Variants in TTC39B observed in about 807,000 individuals in gnomAD.
TTC39B encodes the protein tetratricopeptide repeat domain 39B.
TTC39B carries 92 observed loss-of-function variants against 96.6 expected under a neutral mutation model. That is an observed-to-expected ratio of 0.95 (90% CI 0.80 to 1.13). The LOEUF (loss-of-function observed/expected upper bound fraction) is 1.13. TTC39B is among the 50% of genes most tolerant of loss of function. The pLI is 0.00. For synonymous variants in TTC39B, 367 were observed against 299.4 expected (o/e 1.23, Z -2.33); for missense variants, 955 against 809.3 (o/e 1.18, Z -2.18).
chr9:15,292,429 G>T (rs185869906), intron 1 of TTC39B, among the ~76,000 whole-genome samples: 2 of 152,124 alleles, frequency 1.3e-5, no homozygotes, highest in Non-Finnish European at 2.9e-5. Flanking sequence ...ATACAATTAT[G>T]TATAGTACAG....
chr9:15,294,561 G>C (rs1445553123), intron 1 of TTC39B, among the ~76,000 whole-genome samples: 3 of 152,172 alleles, frequency 2.0e-5, no homozygotes, highest in Non-Finnish European at 2.9e-5. Flanking sequence ...GTTTTAGATA[G>C]AGCTGGAACA....
At chr9:15,223,694 A>G (rs1230582186) in intron 3 of TTC39B, among the ~76,000 whole-genome samples, 1 of 152,252 alleles carries the variant, frequency 6.6e-6, no homozygotes, top group Admixed American at 6.5e-5. Context: ...ATTAAAAGGC[A>G]GAGTGAGAAT....
At chr9:15,198,836 T>A (rs1324249041) in intron 8 of TTC39B, among the ~76,000 whole-genome samples, 2 of 151,780 alleles carry the variant, frequency 1.3e-5, no homozygotes, top group Non-Finnish European at 2.9e-5. Flanking sequence ...CAAAAATAGG[T>A]TTAAAGTAAA....
intron 3 of TTC39B, among the ~76,000 whole-genome samples, chr9:15,218,635 A>AAAAAAAAAAATATATAT (rs374054306): frequency 3.3e-5 from 5 of 149,448 alleles, no homozygotes; most frequent in African/African-American, 1.2e-4. Flanking sequence ...GTCTATTTTA[A>AAAAAAAAAAATATATAT]ATATATATAT....
chr9:15,211,944 C>T (rs181090841), intron 4 of TTC39B, among the ~76,000 whole-genome samples: 2 of 152,272 alleles, frequency 1.3e-5, no homozygotes, highest in African/African-American at 2.4e-5. Context: ...ATCTGAAGTT[C>T]CTGATTAAAG....
exon 6 of TTC39B, chr9:15,210,102 T>G (rs1488719306): frequency 1.2e-6 from 2 of 1,607,032 alleles, no homozygotes; most frequent in Non-Finnish European, 1.7e-6. Flanking sequence ...ACTCAGTTGC[T>G]CCAGGGATCC....
At chr9:15,204,544 A>C (rs2131322309) in intron 6 of TTC39B, among the ~76,000 whole-genome samples, 1 of 152,294 alleles carries the variant, frequency 6.6e-6, no homozygotes, top group Admixed American at 6.5e-5. Flanking sequence ...AGAAAAAAAA[A>C]AAACAACTTT....
intron 17 of TTC39B, among the ~76,000 whole-genome samples, chr9:15,179,951 G>A (rs901189551): frequency 1.3e-5 from 2 of 152,156 alleles, no homozygotes; most frequent in African/African-American, 4.8e-5. Flanking sequence ...CCATTATCTA[G>A]CAGATGATTA....
chr9:15,301,283 C>T (rs1824578395), intron 1 of TTC39B, among the ~76,000 whole-genome samples: 1 of 152,196 alleles, frequency 6.6e-6, no homozygotes, highest in South Asian at 2.1e-4. Context: ...AATTATATGA[C>T]CTTCCTACCT....
chr9:15,163,780 T>G (rs1204630245), exon 20 of TTC39B: 2 of 152,200 alleles, frequency 1.3e-5, no homozygotes, highest in Non-Finnish European at 2.9e-5. Flanking sequence ...AAATAAAATG[T>G]GTTGACTTTC....
At chr9:15,222,804 C>G (rs1164834059) in intron 3 of TTC39B, among the ~76,000 whole-genome samples, 1 of 152,116 alleles carries the variant, frequency 6.6e-6, no homozygotes, top group African/African-American at 2.4e-5. Context: ...ATGACTTTCT[C>G]AAGTAAATAA....
intron 2 of TTC39B, among the ~76,000 whole-genome samples, chr9:15,251,700 CATATATATATAT>C (rs57422881): frequency 0.019 from 1,910 of 98,350 alleles, 60 homozygotes; most frequent in African/African-American, 0.052. Context: ...CATACATATA[CATATATATATAT>C]ATATATATAT....
chr9:15,264,791 T>C (rs1823069578), intron 2 of TTC39B, among the ~76,000 whole-genome samples: 1 of 151,434 alleles, frequency 6.6e-6, no homozygotes, highest in Admixed American at 6.6e-5. Flanking sequence ...CACAATAAAA[T>C]TTATTTTAAA....
chr9:15,287,982 ATTCT>A (rs1824041169), intron 1 of TTC39B, among the ~76,000 whole-genome samples: 1 of 149,428 alleles, frequency 6.7e-6, no homozygotes, highest in Admixed American at 6.6e-5. Flanking sequence ...TAAAAAAATG[ATTCT>A]TTCTAAGCTA....
intron 2 of TTC39B, among the ~76,000 whole-genome samples, chr9:15,252,344 C>G (rs145329058): frequency 1.1e-4 from 16 of 152,216 alleles, no homozygotes; most frequent in African/African-American, 3.6e-4. Flanking sequence ...TACAACATAT[C>G]CTTTAAGAAA....
At position 15,230,830 on chromosome 9, in the gene TTC39B, C is replaced by T. The variant is rs142757941; in HGVS notation, c.276-4818G>A. Among the ~76,000 whole-genome samples, 359 of 152,014 alleles carry T rather than the reference C, an allele frequency of 2.4e-3. 8 individuals are homozygous for T. In the East Asian group the frequency reaches 0.056, roughly 24 times the overall value. On this transcript the variant is annotated intron_variant, in intron 2 of 19. Coordinates refer to ENST00000512701, the Ensembl canonical transcript of TTC39B. ...CAAAACTCCATCTCTACTAAAAATA[C>T]AAAAATTAGCCAGGCATGGTGGTGC...
chr9:15,234,296 C>G (rs1378464475), intron 2 of TTC39B, among the ~76,000 whole-genome samples: 1 of 144,846 alleles, frequency 6.9e-6, no homozygotes, highest in African/African-American at 2.6e-5. Flanking sequence ...CCGCCCCATC[C>G]GGGAGGGAAG....
chr9:15,235,101 C>G (rs1298080584), intron 2 of TTC39B, among the ~76,000 whole-genome samples: 1 of 151,912 alleles, frequency 6.6e-6, no homozygotes, highest in African/African-American at 2.4e-5. Context: ...GAAAAATTCA[C>G]TTAAGAAATT....
chr9:15,277,645 A>G (rs1419266790), intron 1 of TTC39B, among the ~76,000 whole-genome samples: 1 of 152,214 alleles, frequency 6.6e-6, no homozygotes, highest in Admixed American at 6.5e-5. Context: ...TCAGGGCTCC[A>G]GCCTCCTCAT....
Sources: allele counts gnomAD v4.1 joint callset (sites outside exome capture counted in the v4.1 genomes callset), GRCh38; gene constraint gnomAD v4.1.1; transcripts MANE v1.5; gene names NCBI Gene and HGNC (gene_info 2026-07-23, HGNC 2026-07-21).